KCNH5: variants seen among roughly 807,000 people sequenced by gnomAD.
The protein encoded by KCNH5 is potassium voltage-gated channel subfamily H member 5, also known as voltage-gated delayed rectifier potassium channel KCNH5.
KCNH5 carries 46 observed loss-of-function variants against 96.1 expected under a neutral mutation model. That is an observed-to-expected ratio of 0.48 (90% CI 0.38 to 0.61). The LOEUF is 0.61. Ranked by LOEUF, KCNH5 falls within the 20% of genes least tolerant of loss-of-function variation. The pLI, the probability that KCNH5 is intolerant of heterozygous loss-of-function variation, is 0.00. For synonymous variants in KCNH5, 439 were observed against 449.8 expected, an observed-to-expected ratio of 0.98 and a Z score of 0.30; for missense variants, 907 against 1,225.8, an observed-to-expected ratio of 0.74 and a Z score of 3.88.
intron 7 of KCNH5, among the ~76,000 whole-genome samples, chr14:62,899,613 C>T (rs1454462840): frequency 2.6e-5 from 4 of 151,900 alleles, no homozygotes; most frequent in Non-Finnish European, 2.9e-5. Context: ...GGGCGGATCA[C>T]GAGGTCAGGA....
intron 4 of KCNH5, among the ~76,000 whole-genome samples, chr14:62,995,576 T>G (rs1890891784): frequency 6.6e-6 from 1 of 152,140 alleles, no homozygotes; most frequent in Non-Finnish European, 1.5e-5. Flanking sequence ...ATTATGCTCA[T>G]AGATAACTAG....
chr14:63,009,449 A>G (rs1311103325), intron 2 of KCNH5, among the ~76,000 whole-genome samples: 1 of 152,124 alleles, frequency 6.6e-6, no homozygotes, highest in African/African-American at 2.4e-5. Flanking sequence ...AAATAATCCT[A>G]TATTATTAAA....
At chr14:62,745,195 T>C (rs1220119491) in intron 10 of KCNH5, among the ~76,000 whole-genome samples, 1 of 152,298 alleles carries the variant, frequency 6.6e-6, no homozygotes, top group South Asian at 2.1e-4. Flanking sequence ...AATAAATTCA[T>C]GGCTGGTTAC....
chr14:62,745,308 A>T (rs1283404542), intron 10 of KCNH5, among the ~76,000 whole-genome samples: 1 of 152,204 alleles, frequency 6.6e-6, no homozygotes, highest in Non-Finnish European at 1.5e-5. Flanking sequence ...AGTGGCAGCC[A>T]TGTCAATTCC....
chr14:62,854,992 T>A (rs1162467307), intron 7 of KCNH5, among the ~76,000 whole-genome samples: 2 of 151,390 alleles, frequency 1.3e-5, no homozygotes, highest in Admixed American at 6.6e-5. Context: ...CACTAGAATA[T>A]TGTGACCATG....
At position 62,886,121 on chromosome 14, in the gene KCNH5, GACAC is replaced by G. The variant is rs58900799; in HGVS notation, c.1370-36273_1370-36270del. 1.6e-3 allele frequency among the ~76,000 whole-genome samples: 233 copies of G among 147,904 alleles called. 1 individual carries two copies. Among genetic ancestry groups the G allele is most frequent in the African/African-American group, 5.1e-3 (204 of 40,390 alleles). On this transcript the variant is annotated intron_variant, in intron 7 of 10. Transcript: ENST00000322893. ...CCTTGAAAACACAGCACCTGCAGAG[GACAC>G]ACACACACACACACACACACACACA...
chr14:62,800,869 G>C (rs1886645783), intron 9 of KCNH5, among the ~76,000 whole-genome samples: 1 of 150,614 alleles, frequency 6.6e-6, no homozygotes, highest in Non-Finnish European at 1.5e-5. Flanking sequence ...AAACAAAGCA[G>C]AACAAGCACT....
intron 1 of KCNH5, among the ~76,000 whole-genome samples, chr14:63,035,058 A>C (rs1891697745): frequency 6.6e-6 from 1 of 152,218 alleles, no homozygotes; most frequent in Non-Finnish European, 1.5e-5. Context: ...TTATATTGCA[A>C]TGAAATTTCT....
At chr14:62,796,074 C>A (rs1266531076) in intron 9 of KCNH5, among the ~76,000 whole-genome samples, 1 of 152,086 alleles carries the variant, frequency 6.6e-6, no homozygotes, top group Non-Finnish European at 1.5e-5. Context: ...AGAGCAAAAG[C>A]CAGACCCAAA....
intron 7 of KCNH5, among the ~76,000 whole-genome samples, chr14:62,850,168 G>C (rs1375406668): frequency 6.6e-6 from 1 of 152,116 alleles, no homozygotes; most frequent in Non-Finnish European, 1.5e-5. Flanking sequence ...TTATAATTTA[G>C]CCTAAGAAAT....
intron 7 of KCNH5, among the ~76,000 whole-genome samples, chr14:62,936,170 G>A (rs1361307263): frequency 6.6e-6 from 1 of 152,104 alleles, no homozygotes; most frequent in Non-Finnish European, 1.5e-5. Context: ...TTTTCAATAG[G>A]GAGTAAATGA....
chr14:62,783,524 T>A (rs1017335582), intron 9 of KCNH5, among the ~76,000 whole-genome samples: 10 of 152,352 alleles, frequency 6.6e-5, no homozygotes, highest in African/African-American at 2.4e-4. Context: ...TTGTCAATTA[T>A]AATCCTTTAC....
At position 63,001,403 on chromosome 14, in the gene KCNH5, C is replaced by T. The variant is rs1394839947; in HGVS notation, c.361G>A (p.Val121Met). The change falls in exon 4 of 11, where the codon GTG becomes ATG. Residue 121 changes from valine (V) to methionine (M), a missense_variant. This residue lies in a region of KCNH5 where 370 missense variants were observed against 561.3 expected (regional missense o/e 0.66). Coordinates refer to ENST00000322893, the MANE Select transcript of KCNH5 (RefSeq NM_139318.5). Reference sequence around the variant, plus strand: ...TTGAAAGTACACAGGAACAAGACCACCTTTTCATGTTCATTTCTTATTGGT... The same window carrying T: ...TTGAAAGTACACAGGAACAAGACCATCTTTTCATGTTCATTTCTTATTGGT... ...IAPIRNEHEK[V>M]VLFLCTFKDI... 1.2e-6 allele frequency: 2 copies of T among 1,612,454 alleles called. No individual in the cohort carries two copies. The highest frequency in any genetic ancestry group is 1.7e-6 in the Non-Finnish European group (2 of 1,179,124).
intron 6 of KCNH5, among the ~76,000 whole-genome samples, chr14:62,952,927 A>C (rs1178519869): frequency 2.6e-5 from 4 of 152,146 alleles, no homozygotes; most frequent in African/African-American, 7.2e-5. Context: ...GACACTACTT[A>C]AATATTATAA....
intron 7 of KCNH5, among the ~76,000 whole-genome samples, chr14:62,902,349 GTCTTACATTGAAA>G (rs1328345205): frequency 6.6e-6 from 1 of 151,650 alleles, no homozygotes; most frequent in Admixed American, 6.6e-5. Context: ...ATAGTTTGAG[GTCTTACATTGAAA>G]TCTTTAATCC....
intron 7 of KCNH5, among the ~76,000 whole-genome samples, chr14:62,864,012 T>C (rs1280565794): frequency 1.3e-5 from 2 of 152,186 alleles, no homozygotes; most frequent in East Asian, 3.9e-4. Flanking sequence ...GTTACCATAA[T>C]GCTTTCCTAA....
chr14:62,752,890 C>G (rs1885533652), intron 10 of KCNH5, among the ~76,000 whole-genome samples: 1 of 152,140 alleles, frequency 6.6e-6, no homozygotes, highest in South Asian at 2.1e-4. Context: ...CCCAGTCATG[C>G]AGAACTATGA....
At chr14:63,002,516 T>C (rs1378827234) in intron 3 of KCNH5, among the ~76,000 whole-genome samples, 3 of 152,150 alleles carry the variant, frequency 2.0e-5, no homozygotes, top group Non-Finnish European at 4.4e-5. Context: ...AAGGTTTTTG[T>C]AAGGTTTAGG....
chr14:62,703,669 A>C lies in KCNH5; in HGVS notation c.*3839T>G, dbSNP rs1385953964. The C allele has an allele frequency of 6.6e-6, 1 of 151,870 alleles. No homozygotes were observed. Among genetic ancestry groups the C allele is most frequent in the African/African-American group, 2.4e-5 (1 of 41,430 alleles). The allele number at this position is 151,870 out of a possible 1,614,324, so 9.4% of individuals were successfully genotyped here. On this transcript the variant is annotated 3_prime_UTR_variant, in exon 11 of 11. Transcript: ENST00000322893. ...CTGTTTTTGTCTTTTCCCCCTTTCC[A>C]TTAAGATGAGAAGAGAAATACTTTT... is the stretch of plus-strand genomic sequence containing the variant.
Sources: allele counts gnomAD v4.1 joint callset (sites outside exome capture counted in the v4.1 genomes callset), GRCh38; gene constraint gnomAD v4.1.1; regional missense constraint gnomAD v4.1.1; transcripts MANE v1.5; gene names NCBI Gene and HGNC (gene_info 2026-07-23, HGNC 2026-07-21).